The following IFT122 variants were observed in gnomAD, a reference collection of about 807,000 sequenced individuals.
The protein encoded by IFT122 is intraflagellar transport 122, also known as intraflagellar transport protein 122 homolog.
A neutral mutation model predicts 161.6 loss-of-function variants in IFT122; 118 were observed. The observed-to-expected ratio is 0.73, with a 90% CI of 0.63 to 0.85. IFT122 has a LOEUF of 0.85. IFT122 is among the 40% of genes least tolerant of loss of function. IFT122 has a pLI of 0.00. For synonymous variants in IFT122, 550 were observed against 602.4 expected (o/e 0.91, Z 1.27); for missense variants, 1,381 against 1,579.6 (o/e 0.87, Z 2.13).
chr3:129,503,357 C>G (rs1249512203), intron 20 of IFT122, among the ~76,000 whole-genome samples: 1 of 152,192 alleles, frequency 6.6e-6, no homozygotes, highest in Admixed American at 6.5e-5. Flanking sequence ...CCTCCCTTCT[C>G]TGCCCCCACC....
intron 17 of IFT122, among the ~76,000 whole-genome samples, chr3:129,493,780 A>G (rs1020417447): frequency 6.6e-6 from 1 of 152,272 alleles, no homozygotes; most frequent in East Asian, 1.9e-4. Context: ...ACCTGAAGCC[A>G]AGGAGCATAA....
intron 16 of IFT122, among the ~76,000 whole-genome samples, chr3:129,489,372 G>A (rs1017858432): frequency 1.3e-5 from 2 of 152,172 alleles, no homozygotes; most frequent in South Asian, 2.1e-4. Flanking sequence ...GAGAATGCCC[G>A]CTGCAGTCAT....
chr3:129,461,278 T>C lies in IFT122; in HGVS notation c.323T>C (p.Leu108Pro). ...TCCTACAATCCTATTACTCATCAAC[T>C]GGCATCTTGTTCCTCCAGTGACTTT... ...CVSYNPITHQ[L>P]ASCSSSDFGL... The change falls in exon 5 of 30, where the codon CTG becomes CCG. Residue 108 changes from leucine to proline, a missense_variant. By Grantham distance (98) the Leu-to-Pro change is moderately conservative. Around this residue, in one of 7 missense-constraint regions of IFT122, gnomAD observed 134 missense variants for 137.4 expected, o/e 0.98. Coordinates refer to ENST00000348417, the MANE Select transcript of IFT122 (RefSeq NM_052989.3). 6.2e-7 allele frequency: 1 copy of C among 1,613,556 alleles called. No homozygotes were observed. The highest frequency in any genetic ancestry group is 8.5e-7 in the Non-Finnish European group (1 of 1,179,432).
intron 9 of IFT122, among the ~76,000 whole-genome samples, chr3:129,473,371 C>G (rs1454211382): frequency 6.6e-6 from 1 of 152,078 alleles, no homozygotes; most frequent in Non-Finnish European, 1.5e-5. Flanking sequence ...GATTTTTTTC[C>G]CTTGAATATG....
intron 18 of IFT122, 63 bp downstream of exon 18, chr3:129,495,670 TG>T (rs1268829381): frequency 1.3e-6 from 2 of 1,576,918 alleles, no homozygotes; most frequent in East Asian, 4.5e-5. Context: ...TCACGTGCGG[TG>T]TCCAAGTTAT....
intron 23 of IFT122, 42 bp downstream of exon 23, chr3:129,507,804 T>C (rs2082339662): frequency 2.8e-6 from 4 of 1,442,828 alleles, no homozygotes; most frequent in Non-Finnish European, 3.9e-6. Context: ...TACCATCTCC[T>C]GAGCTAGGGG....
At chr3:129,478,596 C>A (rs906836693) in intron 12 of IFT122, among the ~76,000 whole-genome samples, 2 of 152,062 alleles carry the variant, frequency 1.3e-5, no homozygotes, top group Non-Finnish European at 2.9e-5. Flanking sequence ...AGGCACATGC[C>A]ACCACACCCA....
chr3:129,512,461 T>TG lies in IFT122; in HGVS notation c.2987+51dup, dbSNP rs773193155. On this transcript the variant is annotated intron_variant, in intron 24 of 29. Transcript: ENST00000348417. ...CCGTCCCACCACCGTTCTTGTCTAA[T>TG]GGCCCCAAGAAATTCCTTCCAGAGC... The TG allele has an allele frequency of 8.5e-6, 11 of 1,293,810 alleles. No homozygotes were observed. The African/African-American group carries it at 1.6e-4, about 19-fold the overall frequency. The allele number at this position is 1,293,810 out of a possible 1,614,324, so 80.1% of individuals were successfully genotyped here.
intron 15 of IFT122, chr3:129,487,430 G>A (rs1295438460): frequency 6.6e-6 from 1 of 152,334 alleles, no homozygotes; most frequent in Non-Finnish European, 1.5e-5. Context: ...TAGCCAGGGA[G>A]AAATAATACC....
chr3:129,446,973 CT>C (rs2074085094), intron 1 of IFT122, among the ~76,000 whole-genome samples: 1 of 152,164 alleles, frequency 6.6e-6, no homozygotes, highest in Non-Finnish European at 1.5e-5. Flanking sequence ...CTATAGTCAC[CT>C]GAACCAATGA....
intron 7 of IFT122, 22 bp downstream of exon 7, chr3:129,464,803 T>G: frequency 6.2e-7 from 1 of 1,613,874 alleles, no homozygotes. Flanking sequence ...GTTGTCCTCC[T>G]TCTAGAACAA....
chr3:129,518,472 A>G (rs1364370309), intron 27 of IFT122, among the ~76,000 whole-genome samples: 1 of 152,182 alleles, frequency 6.6e-6, no homozygotes, highest in Non-Finnish European at 1.5e-5. Flanking sequence ...CAGGGGCCAC[A>G]CTGGGAGGAG....
chr3:129,501,985 A>C (rs1276809107), intron 19 of IFT122, among the ~76,000 whole-genome samples: 1 of 152,082 alleles, frequency 6.6e-6, no homozygotes, highest in Non-Finnish European at 1.5e-5. Context: ...TTGACTCCAA[A>C]TTCCAGCCTG....
At chr3:129,443,667 T>G (rs2073574345) in intron 1 of IFT122, among the ~76,000 whole-genome samples, 1 of 152,180 alleles carries the variant, frequency 6.6e-6, no homozygotes, top group African/African-American at 2.4e-5. Flanking sequence ...TGTATGACTA[T>G]AATTAAAGGG....
intron 23 of IFT122, 86 bp from the exon 24 acceptor site, chr3:129,512,226 T>G (rs1450705869): frequency 1.1e-6 from 1 of 911,430 alleles, no homozygotes; most frequent in East Asian, 2.4e-5. Context: ...TTGATGTCAC[T>G]CAGAATTATT....
chr3:129,463,683 A>G, intron 6 of IFT122, 57 bp downstream of exon 6: 1 of 1,384,534 alleles, frequency 7.2e-7, no homozygotes, highest in Non-Finnish European at 1.0e-6. Flanking sequence ...ACAGACTCTC[A>G]AAATCCAATT....
Position 129,478,196 on chromosome 3 carries a change from C to T in IFT122, c.1328C>T (p.Ala443Val). 6.2e-7 allele frequency: 1 copy of T among 1,614,076 alleles called. No homozygotes were observed. Among genetic ancestry groups the T allele is most frequent in the South Asian group, 1.1e-5 (1 of 91,084 alleles). Residue 443 changes from alanine (A) to valine (V), a missense_variant, in exon 12 of 30, where the codon GCC becomes GTC. This residue lies in a region of IFT122 where 544 missense variants were observed against 648.0 expected (regional missense o/e 0.84). Transcript: ENST00000348417. ...KFECNLLVVC[A>V]NHIILCQEKR... ...GAGTGCAACCTCCTGGTGGTGTGTG[C>T]CAATCACATCATCCTGTGCCAGGTG...
chr3:129,519,590 CAGT>C lies in IFT122; in HGVS notation c.3495_3497del (p.Val1168del), dbSNP rs750851904. The C allele has an allele frequency of 6.2e-7, 1 of 1,613,684 alleles. No homozygotes were observed. The highest frequency in any genetic ancestry group is 1.1e-5 in the South Asian group (1 of 91,076). On this transcript the variant is annotated inframe_deletion, in exon 29 of 30. Transcript: ENST00000348417. ...CAGCAAGGTGGCTCAGAGTTCGTGC[CAGT>C]GGTGGTGAGCCGGCTGGTGCTGCGC...
At chr3:129,508,665 T>C (rs2082447756) in intron 23 of IFT122, among the ~76,000 whole-genome samples, 1 of 152,240 alleles carries the variant, frequency 6.6e-6, no homozygotes, top group South Asian at 2.1e-4. Context: ...TTCTGTAGCA[T>C]AAAAATCCAT....
Sources: allele counts gnomAD v4.1 joint callset (sites outside exome capture counted in the v4.1 genomes callset), GRCh38; gene constraint gnomAD v4.1.1; regional missense constraint gnomAD v4.1.1; transcripts MANE v1.5; gene names NCBI Gene and HGNC (gene_info 2026-07-23, HGNC 2026-07-21).